The following EPHA7 variants were observed in gnomAD, a reference collection of about 807,000 sequenced individuals.
EPHA7 encodes ephrin type-A receptor 7.
In EPHA7, 25 loss-of-function variants were observed where a neutral mutation model predicts 112.6. The observed-to-expected ratio is 0.22, with a 90% CI of 0.16 to 0.31. EPHA7 has a LOEUF of 0.31. Among genes scored for constraint, EPHA7 ranks in the 10% least tolerant of loss-of-function variants. EPHA7 has a pLI of 1.00. For synonymous variants in EPHA7, 437 were observed against 406.5 expected (o/e 1.07, Z -0.90); for missense variants, 962 against 1,212.6 (o/e 0.79, Z 3.07).
chr6:93,292,853 A>C (rs940419888), intron 5 of EPHA7, among the ~76,000 whole-genome samples: 1 of 152,180 alleles, frequency 6.6e-6, no homozygotes, highest in Non-Finnish European at 1.5e-5. Context: ...AGAGGTATTC[A>C]AGATAAATCT....
chr6:93,360,886 T>C (rs1395866565), intron 3 of EPHA7, among the ~76,000 whole-genome samples: 1 of 152,120 alleles, frequency 6.6e-6, no homozygotes, highest in Non-Finnish European at 1.5e-5. Flanking sequence ...TCTACCATCA[T>C]CATTTACTGT....
At chr6:93,302,980 T>A (rs1057096426) in intron 5 of EPHA7, among the ~76,000 whole-genome samples, 11 of 152,066 alleles carry the variant, frequency 7.2e-5, no homozygotes, top group African/African-American at 2.7e-4. Flanking sequence ...TGGGAAACAC[T>A]ACCTGCAGGG....
rs199856458 is a variant in EPHA7 at position 93,290,185 on chromosome 6, CA to C, written c.1325-17764del. On this transcript the variant is annotated intron_variant, in intron 5 of 16. Coordinates refer to ENST00000369303, the MANE Select transcript of EPHA7 (RefSeq NM_004440.4). ...AGTTCTTCATATTTATAGTCAAAAG[CA>C]ATTTTGACTATATATAGTAATATAA... Among the ~76,000 whole-genome samples, 61 of 151,766 alleles carry C rather than the reference CA, an allele frequency of 4.0e-4. No homozygotes were observed. In the East Asian group the frequency reaches 0.011, roughly 28 times the overall value.
chr6:93,363,743 T>G (rs184368076), intron 3 of EPHA7, among the ~76,000 whole-genome samples: 52 of 152,280 alleles, frequency 3.4e-4, no homozygotes, highest in African/African-American at 1.2e-3. Flanking sequence ...AAAACATACA[T>G]GCACACAAAA....
intron 3 of EPHA7, among the ~76,000 whole-genome samples, chr6:93,380,648 G>GA (rs1372631295): frequency 1.3e-5 from 2 of 152,024 alleles, no homozygotes; most frequent in East Asian, 1.9e-4. Context: ...CTAAGGGAAT[G>GA]AAAAAAGGAT....
intron 6 of EPHA7, among the ~76,000 whole-genome samples, chr6:93,271,536 G>A (rs572932449): frequency 1.3e-5 from 2 of 152,004 alleles, no homozygotes; most frequent in East Asian, 3.9e-4. Flanking sequence ...GAGTCTGTCT[G>A]TGAGGTGGGG....
intron 5 of EPHA7, among the ~76,000 whole-genome samples, chr6:93,283,538 T>C (rs1771885511): frequency 6.6e-6 from 1 of 152,076 alleles, no homozygotes; most frequent in Non-Finnish European, 1.5e-5. Flanking sequence ...GCTTCACTCC[T>C]GAAGCCAGCA....
chr6:93,289,017 A>T (rs1437001586), intron 5 of EPHA7, among the ~76,000 whole-genome samples: 1 of 152,186 alleles, frequency 6.6e-6, no homozygotes, highest in Non-Finnish European at 1.5e-5. Context: ...CTTTAGACAT[A>T]TATTAAATTC....
At position 93,329,265 on chromosome 6, in the gene EPHA7, C is replaced by T. The variant is rs114366552; in HGVS notation, c.1324+27452G>A. On this transcript the variant is annotated intron_variant, in intron 5 of 16. Transcript: ENST00000369303. The stretch of plus-strand genomic sequence containing the variant: ...TATGACCTACAAGTTCTGAATGAGA[C>T]ACTGGCCACTAAACATTTATCATAC... Among the ~76,000 whole-genome samples the T allele has an allele frequency of 3.4e-3, 510 of 151,408 alleles. 2 individuals are homozygous for T. Among genetic ancestry groups the T allele is most frequent in the African/African-American group, 0.012 (478 of 41,410 alleles).
intron 5 of EPHA7, among the ~76,000 whole-genome samples, chr6:93,326,923 A>T (rs1355986997): frequency 6.6e-6 from 1 of 151,626 alleles, no homozygotes; most frequent in Non-Finnish European, 1.5e-5. Context: ...TCTCCAACTT[A>T]GCCAAACCCA....
chr6:93,249,620 T>C (rs1013183612), intron 14 of EPHA7, among the ~76,000 whole-genome samples: 4 of 152,192 alleles, frequency 2.6e-5, no homozygotes, highest in Admixed American at 1.3e-4. Flanking sequence ...TGCATTCTAA[T>C]GCTCATAACA....
intron 3 of EPHA7, among the ~76,000 whole-genome samples, chr6:93,387,405 C>G (rs1026316432): frequency 2.6e-5 from 4 of 152,106 alleles, no homozygotes; most frequent in African/African-American, 9.7e-5. Flanking sequence ...TTCAATAAGT[C>G]TCTAGGAAAT....
chr6:93,345,980 C>T (rs928751733), intron 5 of EPHA7, among the ~76,000 whole-genome samples: 1 of 151,602 alleles, frequency 6.6e-6, no homozygotes, highest in Non-Finnish European at 1.5e-5. Flanking sequence ...GTAGTGAAAA[C>T]AGAACAACAA....
chr6:93,395,460 A>G (rs1268372075), intron 3 of EPHA7, among the ~76,000 whole-genome samples: 2 of 151,844 alleles, frequency 1.3e-5, no homozygotes, highest in Non-Finnish European at 2.9e-5. Context: ...GTAAAATGTC[A>G]TGACATGTAA....
chr6:93,410,664 T>C lies in EPHA7; in HGVS notation c.669A>G (p.Glu223=), dbSNP rs778894011. The C allele has an allele frequency of 1.2e-6, 2 of 1,613,996 alleles. No individual in the cohort carries two copies. Residue 223 remains glutamate (E), a synonymous_variant, in exon 3 of 17, where the codon GAA becomes GAG. Coordinates refer to ENST00000369303, the MANE Select transcript of EPHA7 (RefSeq NM_004440.4). This position sits in a 1 kb window ranked among gnomAD's most constrained non-coding sequence, Gnocchi z 4.0. The stretch of plus-strand genomic sequence containing the variant: ...CTCGAACCTCGACTAAAGAGGAAAA[T>C]TCTGAACCAGTCACTGTATCTGGAA... ...AIFPDTVTGS[E]FSSLVEVRGT... is the part of the protein sequence containing the mutation.
chr6:93,380,174 CAA>C (rs1777264848), intron 3 of EPHA7, among the ~76,000 whole-genome samples: 1 of 151,984 alleles, frequency 6.6e-6, no homozygotes, highest in Non-Finnish European at 1.5e-5. Context: ...CTTAGAAAAG[CAA>C]AGAGTAAAGA....
At chr6:93,259,985 C>G (rs1770613995) in intron 9 of EPHA7, among the ~76,000 whole-genome samples, 1 of 151,624 alleles carries the variant, frequency 6.6e-6, no homozygotes, top group Non-Finnish European at 1.5e-5. Flanking sequence ...TTTTTAAAGA[C>G]CAACCACCGT....
chr6:93,260,788 G>T, intron 9 of EPHA7: 1 of 887,310 alleles, frequency 1.1e-6, no homozygotes, highest in Non-Finnish European at 1.3e-6. Flanking sequence ...AGCTGAAGAT[G>T]AAAAAAAAAA....
At chr6:93,344,400 A>C (rs1775290062) in intron 5 of EPHA7, among the ~76,000 whole-genome samples, 1 of 151,686 alleles carries the variant, frequency 6.6e-6, no homozygotes, top group African/African-American at 2.4e-5. Flanking sequence ...AACAAGGAGA[A>C]AACAAGGTTA....
Sources: allele counts gnomAD v4.1 joint callset (sites outside exome capture counted in the v4.1 genomes callset), GRCh38; gene constraint gnomAD v4.1.1; non-coding constraint Gnocchi (gnomAD v3.1); transcripts MANE v1.5; gene names NCBI Gene and HGNC (gene_info 2026-07-23, HGNC 2026-07-21).